The following GPATCH2 variants were observed in gnomAD, a reference collection of about 807,000 sequenced individuals.
GPATCH2 encodes the protein G-patch domain containing 2.
A neutral mutation model predicts 58.0 loss-of-function variants in GPATCH2; 51 were observed. The ratio of observed to expected loss-of-function variants is 0.88; its 90% CI spans 0.70 to 1.11. The LOEUF (loss-of-function observed/expected upper bound fraction) is 1.11. GPATCH2 is among the 50% of genes most tolerant of loss of function. The pLI is 0.00. For missense variants in GPATCH2, 625 were observed against 652.2 expected, an observed-to-expected ratio of 0.96 and a Z score of 0.45; for synonymous variants, 222 against 218.5, an observed-to-expected ratio of 1.02 and a Z score of -0.14.
intron 1 of GPATCH2, among the ~76,000 whole-genome samples, chr1:217,622,954 C>T (rs1669270424): frequency 6.6e-6 from 1 of 152,206 alleles, no homozygotes; most frequent in Admixed American, 6.5e-5. Context: ...ACTGATAAGC[C>T]AAGTGAATCT....
intron 6 of GPATCH2, among the ~76,000 whole-genome samples, chr1:217,502,242 C>CTATA (rs1175885288): frequency 2.0e-5 from 3 of 151,912 alleles, no homozygotes; most frequent in African/African-American, 7.2e-5. Flanking sequence ...ATAATCTTTG[C>CTATA]TATATCTACA....
intron 8 of GPATCH2, among the ~76,000 whole-genome samples, chr1:217,486,153 C>T (rs535783424): frequency 1.3e-5 from 2 of 152,274 alleles, no homozygotes; most frequent in South Asian, 2.1e-4. Flanking sequence ...TCTTCTGACC[C>T]ATGAACAAGG....
intron 5 of GPATCH2, among the ~76,000 whole-genome samples, chr1:217,584,364 T>TATATATATATATACACAC (rs1226981154): frequency 8.2e-6 from 1 of 121,550 alleles, no homozygotes; most frequent in African/African-American, 3.1e-5. Flanking sequence ...TATATATATA[T>TATATATATATATACACAC]ACACACACAC....
rs534050080 is a variant in GPATCH2, at chr1:217,523,715, G to C, written c.1099-8826C>G. ...ACACCTCCCAGACGGGGTGGTGGCC[G>C]GGCAGAGGGGCTCCTCACTTCCCAG... On this transcript the variant is annotated intron_variant, in intron 5 of 9. Coordinates refer to ENST00000366935, the MANE Select transcript of GPATCH2 (RefSeq NM_018040.5). Among the ~76,000 whole-genome samples the C allele has an allele frequency of 5.1e-4, 77 of 150,298 alleles. No individual in the cohort carries two copies. The South Asian group carries it at 0.015, about 29-fold the overall frequency.
chr1:217,508,915 A>G (rs1279368823), intron 6 of GPATCH2, among the ~76,000 whole-genome samples: 1 of 152,178 alleles, frequency 6.6e-6, no homozygotes, highest in Non-Finnish European at 1.5e-5. Flanking sequence ...TAAATATAGT[A>G]ATATGTTTTT....
At chr1:217,507,680 A>T (rs1662628954) in intron 6 of GPATCH2, among the ~76,000 whole-genome samples, 1 of 152,192 alleles carries the variant, frequency 6.6e-6, no homozygotes, top group Admixed American at 6.5e-5. Context: ...CTTTTATTCC[A>T]TAAGTTTTAA....
At chr1:217,584,344 A>AAAAAAAAAAAAATATATAT (rs1463910405) in intron 5 of GPATCH2, among the ~76,000 whole-genome samples, 20 of 101,822 alleles carry the variant, frequency 2.0e-4, no homozygotes, top group East Asian at 1.2e-3. Context: ...AAAAAAAAAA[A>AAAAAAAAAAAAATATATAT]ATATATATAT....
At chr1:217,465,561 CATA>C (rs1426990880) in intron 8 of GPATCH2, among the ~76,000 whole-genome samples, 1 of 152,114 alleles carries the variant, frequency 6.6e-6, no homozygotes, top group Non-Finnish European at 1.5e-5. Context: ...ATGCTATTCT[CATA>C]ATAATGAATA....
chr1:217,484,538 C>A (rs1458115443), intron 8 of GPATCH2, among the ~76,000 whole-genome samples: 1 of 125,386 alleles, frequency 8.0e-6, no homozygotes, highest in African/African-American at 2.8e-5. Flanking sequence ...TCAAATAAAT[C>A]TTTCTATATA....
At position 217,491,329 on chromosome 1, in the gene GPATCH2, T is replaced by C. The variant is rs571782744; in HGVS notation, c.1277+351A>G. On this transcript the variant is annotated intron_variant, in intron 8 of 9. Transcript: ENST00000366935. ...CATTTATATGTTATTAGAATACACA[T>C]ATTTCTCTCTCATAAGGTCTAAATG... Among the ~76,000 whole-genome samples, 17 of 152,288 alleles carry C rather than the reference T, an allele frequency of 1.1e-4. No homozygotes were observed. In the South Asian group the frequency reaches 3.3e-3, roughly 30 times the overall value.
chr1:217,427,842 T>G lies in GPATCH2; in HGVS notation c.*3303A>C, dbSNP rs139813471. ...AACATTAATAAAATGCAGTATTTTG[T>G]AATTATGTCTGTATACTGCACACAG... On this transcript the variant is annotated 3_prime_UTR_variant, in exon 10 of 10. Coordinates refer to ENST00000366935, the MANE Select transcript of GPATCH2 (RefSeq NM_018040.5). 1.2e-4 allele frequency: 18 copies of G among 152,292 alleles called. No individual in the cohort carries two copies. Among genetic ancestry groups the G allele is most frequent in the African/African-American group, 4.1e-4 (17 of 41,578 alleles). 9.4% of individuals were successfully genotyped at this position (152,292 alleles called of 1,614,324 possible).
intron 5 of GPATCH2, among the ~76,000 whole-genome samples, chr1:217,536,717 G>A (rs538514380): frequency 9.4e-4 from 143 of 152,242 alleles, no homozygotes; most frequent in African/African-American, 3.4e-3. Flanking sequence ...GCTCATGCCC[G>A]TAATCCCAAC....
chr1:217,612,458 A>C (rs898633296), intron 3 of GPATCH2, among the ~76,000 whole-genome samples: 1 of 152,200 alleles, frequency 6.6e-6, no homozygotes, highest in Non-Finnish European at 1.5e-5. Flanking sequence ...CTATATTTCA[A>C]CTAAGTCACA....
At chr1:217,593,459 A>C (rs2102772626) in intron 5 of GPATCH2, among the ~76,000 whole-genome samples, 1 of 152,094 alleles carries the variant, frequency 6.6e-6, no homozygotes, top group South Asian at 2.1e-4. Context: ...ATTTAGATTA[A>C]ATGTATTAAT....
chr1:217,541,798 C>T (rs1664755912), intron 5 of GPATCH2, among the ~76,000 whole-genome samples: 1 of 152,154 alleles, frequency 6.6e-6, no homozygotes, highest in Admixed American at 6.5e-5. Context: ...TTCACTACCT[C>T]ACATAATAAT....
chr1:217,470,409 A>G (rs1660672106), intron 8 of GPATCH2, among the ~76,000 whole-genome samples: 1 of 152,176 alleles, frequency 6.6e-6, no homozygotes, highest in African/African-American at 2.4e-5. Context: ...AGTTAGTAGT[A>G]GTGTTTTGTT....
chr1:217,556,238 G>A (rs146893452), intron 5 of GPATCH2, among the ~76,000 whole-genome samples: 229 of 152,220 alleles, frequency 1.5e-3, no homozygotes, highest in African/African-American at 5.2e-3. Context: ...ATAGTTTAAG[G>A]AGCAGTAACC....
chr1:217,514,843 G>T lies in GPATCH2; in HGVS notation c.1145C>A (p.Ser382Tyr), dbSNP rs1663044897. 2 of 1,523,606 alleles carry T rather than the reference G, an allele frequency of 1.3e-6. No homozygotes were observed. Among genetic ancestry groups the T allele is most frequent in the Admixed American group, 1.7e-5 (1 of 59,828 alleles). The allele number at this position is 1,523,606 out of a possible 1,614,324, so 94.4% of individuals were successfully genotyped here. The change falls in exon 6 of 10, where the codon TCC becomes TAC. Residue 382 changes from serine (S) to tyrosine (Y), a missense_variant. Coordinates refer to ENST00000366935, the MANE Select transcript of GPATCH2 (RefSeq NM_018040.5). The part of the protein sequence containing the change: ...PVGNKRMVHF[S>Y]PDSHHHDHWF... ...TCACTCATGGTGATGAGAATCCGGG[G>T]AAAAATGAACCATTCTCTTGTTACC... is the stretch of plus-strand genomic sequence containing the variant.
rs1350291351 is a variant in GPATCH2 at position 217,428,161 on chromosome 1, G to C, written c.*2984C>G. On this transcript the variant is annotated 3_prime_UTR_variant, in exon 10 of 10. Coordinates refer to ENST00000366935, the MANE Select transcript of GPATCH2 (RefSeq NM_018040.5). ...TATAACAAATTTTTTAAACAGTCAAGTTGCTAATGTAATCATGCTCAGCGT... is the reference window on the plus strand; with the variant it reads ...TATAACAAATTTTTTAAACAGTCAACTTGCTAATGTAATCATGCTCAGCGT... 1 of 152,038 alleles carries C rather than the reference G, an allele frequency of 6.6e-6. No homozygotes were observed. Among genetic ancestry groups the C allele is most frequent in the Non-Finnish European group, 1.5e-5 (1 of 68,010 alleles). The allele number at this position is 152,038 out of a possible 1,614,324, so 9.4% of individuals were successfully genotyped here.
Sources: gnomAD v4.1 joint callset for allele counts (sites outside exome capture counted in the v4.1 genomes callset) on GRCh38, gnomAD v4.1.1 for gene constraint, MANE v1.5 for transcripts, NCBI Gene and HGNC (gene_info 2026-07-23, HGNC 2026-07-21) for gene names.